SOBP: variants seen among roughly 807,000 people sequenced by gnomAD.
SOBP encodes sine oculis binding protein homolog, also known as sine oculis-binding protein homolog.
A neutral mutation model predicts 53.6 loss-of-function variants in SOBP; 4 were observed. The ratio of observed to expected loss-of-function variants is 0.07; its 90% CI spans 0.04 to 0.17. The LOEUF (loss-of-function observed/expected upper bound fraction) is 0.17, where lower values mean the gene tolerates loss of function less well. SOBP is among the 10% of genes least tolerant of loss of function. The probability of loss-of-function intolerance (pLI) is 1.00; values close to 1 mark genes in which losing one functional copy is unlikely to be tolerated. For missense variants in SOBP, 1,088 were observed against 1,204.7 expected (o/e 0.90, Z 1.43); for synonymous variants, 584 against 522.6 (o/e 1.12, Z -1.60).
chr6:107,507,899 C>T (rs79330958), intron 3 of SOBP, among the ~76,000 whole-genome samples: 13 of 151,810 alleles, frequency 8.6e-5, no homozygotes, highest in East Asian at 3.9e-4. Context: ...TAGATGGCAA[C>T]GGGCTGAGCA....
chr6:107,591,951 A>G (rs564164770), intron 5 of SOBP, among the ~76,000 whole-genome samples: 2 of 143,794 alleles, frequency 1.4e-5, no homozygotes, highest in African/African-American at 5.2e-5. Flanking sequence ...TGTGAGGGAC[A>G]GATTTGGTCT....
chr6:107,607,568 C>T (rs1786431982), intron 5 of SOBP, among the ~76,000 whole-genome samples: 1 of 152,150 alleles, frequency 6.6e-6, no homozygotes, highest in Non-Finnish European at 1.5e-5. Context: ...TTGTAGCAAG[C>T]ATATGCTAGC....
At chr6:107,620,861 C>T (rs2115118817) in intron 5 of SOBP, among the ~76,000 whole-genome samples, 1 of 152,316 alleles carries the variant, frequency 6.6e-6, no homozygotes, top group African/African-American at 2.4e-5. Flanking sequence ...CATTTCTCCT[C>T]TTACCCGGGA....
chr6:107,546,756 C>T (rs2115005032), intron 4 of SOBP, among the ~76,000 whole-genome samples: 1 of 152,310 alleles, frequency 6.6e-6, no homozygotes, highest in African/African-American at 2.4e-5. Context: ...CTTGAGTTAG[C>T]ATTTGATACA....
In SOBP at chr6:107,623,720, A is replaced by G. The variant is rs138624843; in HGVS notation, c.670-9794A>G. Among the ~76,000 whole-genome samples, 223 of 152,368 alleles carry G rather than the reference A, an allele frequency of 1.5e-3. 2 individuals are homozygous for G. Among genetic ancestry groups the G allele is most frequent in the African/African-American group, 5.2e-3 (216 of 41,586 alleles). ...CTGATTTCTGAAACTCTAGACAAGTAGTTTGATGGCTTACCCTCAAAAGAC... is the reference window on the plus strand; with the variant it reads ...CTGATTTCTGAAACTCTAGACAAGTGGTTTGATGGCTTACCCTCAAAAGAC... On this transcript the variant is annotated intron_variant, in intron 5 of 6. Coordinates refer to ENST00000317357, the MANE Select transcript of SOBP (RefSeq NM_018013.4).
intron 5 of SOBP, among the ~76,000 whole-genome samples, chr6:107,619,222 A>G (rs929095765): frequency 6.6e-6 from 1 of 152,218 alleles, no homozygotes; most frequent in Admixed American, 6.5e-5. Flanking sequence ...GAAAGCTTTA[A>G]TTAAAGAAAA....
At chr6:107,522,600 G>A (rs1783546092) in intron 3 of SOBP, among the ~76,000 whole-genome samples, 1 of 139,638 alleles carries the variant, frequency 7.2e-6, no homozygotes, top group Non-Finnish European at 1.5e-5. Context: ...GGAGTCGAGT[G>A]GTGCCATCAC....
intron 6 of SOBP, among the ~76,000 whole-genome samples, chr6:107,641,539 G>A (rs1164357731): frequency 2.6e-5 from 4 of 152,176 alleles, no homozygotes; most frequent in Non-Finnish European, 5.9e-5. Context: ...GGGCATTGAT[G>A]TGGCAGTGTC....
intron 3 of SOBP, among the ~76,000 whole-genome samples, chr6:107,532,651 A>G (rs1783864360): frequency 6.6e-6 from 1 of 152,202 alleles, no homozygotes; most frequent in South Asian, 2.1e-4. Context: ...AACCACCTAA[A>G]TTCATTCTGA....
At chr6:107,650,417 T>C (rs1771755615) in intron 6 of SOBP, among the ~76,000 whole-genome samples, 1 of 152,248 alleles carries the variant, frequency 6.6e-6, no homozygotes, top group South Asian at 2.1e-4. Context: ...TTTGTACAAA[T>C]GGAAGGTTTG....
intron 4 of SOBP, among the ~76,000 whole-genome samples, chr6:107,583,297 C>T (rs984534351): frequency 2.0e-5 from 3 of 152,154 alleles, no homozygotes; most frequent in African/African-American, 7.2e-5. Flanking sequence ...AGCTTGTAGG[C>T]TACTAGGGGA....
At chr6:107,638,976 C>T (rs1028116062) in intron 6 of SOBP, among the ~76,000 whole-genome samples, 19 of 152,238 alleles carry the variant, frequency 1.2e-4, no homozygotes, top group African/African-American at 4.3e-4. Flanking sequence ...AATCTGGGCT[C>T]ACTGCAACCT....
intron 5 of SOBP, among the ~76,000 whole-genome samples, chr6:107,595,124 T>A (rs1785897867): frequency 6.6e-6 from 1 of 152,182 alleles, no homozygotes. Context: ...AGAAAGAACA[T>A]CTATGGGGAA....
chr6:107,647,689 A>C (rs1479160709), intron 6 of SOBP, among the ~76,000 whole-genome samples: 7 of 152,024 alleles, frequency 4.6e-5, no homozygotes, highest in Non-Finnish European at 1.5e-5. Flanking sequence ...CCAAGGTCAC[A>C]GGGTGGCGCA....
chr6:107,568,368 C>A (rs1200807145), intron 4 of SOBP, among the ~76,000 whole-genome samples: 1 of 152,112 alleles, frequency 6.6e-6, no homozygotes, highest in Non-Finnish European at 1.5e-5. Flanking sequence ...CAAACTAAAA[C>A]CATATTGAAG....
chr6:107,506,190 C>A, intron 2 of SOBP, 52 bp from the exon 3 acceptor site: 1 of 1,511,054 alleles, frequency 6.6e-7, no homozygotes, highest in African/African-American at 1.4e-5. Context: ...AAATTTAAGT[C>A]TACTGCATTA....
At chr6:107,537,184 A>G (rs946517057) in intron 4 of SOBP, among the ~76,000 whole-genome samples, 10 of 152,232 alleles carry the variant, frequency 6.6e-5, no homozygotes, top group African/African-American at 2.4e-4. Context: ...TGCACACGTA[A>G]AAATACTCTT....
chr6:107,624,378 C>T (rs1770363798), intron 5 of SOBP, among the ~76,000 whole-genome samples: 1 of 152,168 alleles, frequency 6.6e-6, no homozygotes, highest in Admixed American at 6.5e-5. Flanking sequence ...TAGAAGGGCC[C>T]TGGGAACTTG....
chr6:107,562,453 A>G (rs1231660157), intron 4 of SOBP, among the ~76,000 whole-genome samples: 5 of 152,244 alleles, frequency 3.3e-5, no homozygotes, highest in Admixed American at 2.6e-4. Flanking sequence ...TGATGAGACT[A>G]TGGGCGGCAG....
Sources: allele counts gnomAD v4.1 joint callset (sites outside exome capture counted in the v4.1 genomes callset), GRCh38; gene constraint gnomAD v4.1.1; transcripts MANE v1.5; gene names NCBI Gene and HGNC (gene_info 2026-07-23, HGNC 2026-07-21).